NOTCH2NLA: variants seen among roughly 807,000 people sequenced by gnomAD.
NOTCH2NLA encodes notch homolog 2 N-terminal-like protein A.
chr1:146,172,610 C>T (rs587744880), intron 2 of NOTCH2NLA, among the ~76,000 whole-genome samples: 3,111 of 150,954 alleles, frequency 0.021, 34 homozygotes, highest in Non-Finnish European at 0.029. Flanking sequence ...TTCCTTTCTT[C>T]CACCCTTTTT....
At position 146,200,694 on chromosome 1, in the gene NOTCH2NLA, T is replaced by C. The variant is rs1481701292; in HGVS notation, c.-44-11313A>G. Among the ~76,000 whole-genome samples the C allele has an allele frequency of 4.6e-5, 6 of 129,080 alleles. 1 individual carries two copies. The East Asian group carries it at 5.9e-4, about 13-fold the overall frequency. The allele number at this position is 129,080 out of a possible 152,430, so 84.7% of individuals were successfully genotyped here. A position where few individuals can be genotyped will look rare whatever the true frequency, so the allele number is the denominator to read the frequency against. On this transcript the variant is annotated intron_variant, in intron 1 of 4. Coordinates refer to ENST00000362074, the Ensembl canonical transcript of NOTCH2NLA. ...GATTACTCATATTCTTTCTTTATTG[T>C]AAATGCAAGCAAGAATTTATCTTTA...
intron 3 of NOTCH2NLA, among the ~76,000 whole-genome samples, chr1:146,159,389 G>A (rs200610270): frequency 4.8e-5 from 5 of 104,718 alleles, no homozygotes; most frequent in Non-Finnish European, 8.1e-5. Context: ...AAGAGAGAAA[G>A]AGAGAGAAAG....
At chr1:146,159,400 AAAG>A (rs1284137672) in intron 3 of NOTCH2NLA, among the ~76,000 whole-genome samples, 3 of 109,902 alleles carry the variant, frequency 2.7e-5, no homozygotes, top group African/African-American at 1.1e-4. Flanking sequence ...AGAGAGAAAG[AAAG>A]AAAGAAAGAA....
At chr1:146,159,966 C>CAAAAAAAAAAAAAA (rs782308523) in intron 3 of NOTCH2NLA, among the ~76,000 whole-genome samples, 4 of 7,438 alleles carry the variant, frequency 5.4e-4, no homozygotes, top group South Asian at 0.013. Flanking sequence ...TACTCCATCT[C>CAAAAAAAAAAAAAA]AAAAAAAAAA....
chr1:146,228,170 C>T (rs1664294148), intron 1 of NOTCH2NLA, among the ~76,000 whole-genome samples: 1 of 142,448 alleles, frequency 7.0e-6, no homozygotes, highest in Admixed American at 6.8e-5. Context: ...AACCCCGTCC[C>T]CATCCAAACC....
intron 2 of NOTCH2NLA, among the ~76,000 whole-genome samples, chr1:146,180,495 T>C (rs1553809061): frequency 7.0e-6 from 1 of 142,242 alleles, no homozygotes; most frequent in East Asian, 1.9e-4. Flanking sequence ...GTCTAAGAAT[T>C]GGCAATACAT....
At chr1:146,186,394 G>A (rs1316789825) in intron 2 of NOTCH2NLA, among the ~76,000 whole-genome samples, 3 of 135,872 alleles carry the variant, frequency 2.2e-5, no homozygotes, top group African/African-American at 5.1e-5. Flanking sequence ...TCGCTCTGTC[G>A]CTCAGGCTGG....
At chr1:146,219,843 T>G (rs1286235559) in intron 1 of NOTCH2NLA, among the ~76,000 whole-genome samples, 1 of 90,902 alleles carries the variant, frequency 1.1e-5, no homozygotes, top group Non-Finnish European at 2.0e-5. Flanking sequence ...ACAGCTTTTC[T>G]AAATCTAAGG....
At chr1:146,195,022 G>C (rs1415200152) in intron 1 of NOTCH2NLA, among the ~76,000 whole-genome samples, 2 of 109,360 alleles carry the variant, frequency 1.8e-5, no homozygotes, top group Admixed American at 9.2e-5. Flanking sequence ...TCCCCTGGAG[G>C]GTTCTGGTCC....
intron 2 of NOTCH2NLA, among the ~76,000 whole-genome samples, chr1:146,173,182 A>C (rs2794087): frequency 4.7e-5 from 6 of 126,940 alleles, no homozygotes; most frequent in Non-Finnish European, 8.5e-5. Context: ...ATAAGGAGAA[A>C]ATATACTCTG....
chr1:146,182,530 T>G (rs1362529977), intron 2 of NOTCH2NLA, among the ~76,000 whole-genome samples: 31 of 116,544 alleles, frequency 2.7e-4, no homozygotes, highest in African/African-American at 8.3e-4. Flanking sequence ...GGACTCAAAC[T>G]TAAGTCTATC....
chr1:146,174,972 T>G (rs28534615), intron 2 of NOTCH2NLA, among the ~76,000 whole-genome samples: 56,281 of 104,612 alleles, frequency 0.54, 9,154 homozygotes, highest in African/African-American at 0.69. Context: ...TAAAAATAAT[T>G]GCTAACAGCC....
At chr1:146,174,452 C>T (rs201761322) in intron 2 of NOTCH2NLA, among the ~76,000 whole-genome samples, 1 of 133,452 alleles carries the variant, frequency 7.5e-6, no homozygotes, top group Non-Finnish European at 1.6e-5. Context: ...ATTCAAGAAA[C>T]AACAACAACA....
intron 1 of NOTCH2NLA, among the ~76,000 whole-genome samples, chr1:146,228,067 C>G (rs1290554629): frequency 3.0e-5 from 4 of 133,002 alleles, no homozygotes; most frequent in Non-Finnish European, 6.4e-5. Flanking sequence ...TGCCCTACTT[C>G]TCCTGCCTCC....
chr1:146,223,951 T>C (rs1553819053), intron 1 of NOTCH2NLA, among the ~76,000 whole-genome samples: 1 of 140,870 alleles, frequency 7.1e-6, no homozygotes, highest in Non-Finnish European at 1.6e-5. Flanking sequence ...ACAAGTTCTG[T>C]AGTACAGAGA....
intron 2 of NOTCH2NLA, among the ~76,000 whole-genome samples, chr1:146,180,275 G>A (rs587754708): frequency 1.2e-4 from 17 of 142,950 alleles, no homozygotes; most frequent in Non-Finnish European, 1.4e-4. Flanking sequence ...TCATATTTAC[G>A]TGAAGGCAAA....
intron 2 of NOTCH2NLA, among the ~76,000 whole-genome samples, chr1:146,175,484 CT>C (rs2102304140): frequency 7.9e-6 from 1 of 126,580 alleles, no homozygotes; most frequent in African/African-American, 2.6e-5. Flanking sequence ...AACTGGGACG[CT>C]TGTGGTAAAA....
chr1:146,171,445 T>C (rs1390963799), intron 2 of NOTCH2NLA, among the ~76,000 whole-genome samples: 1 of 134,414 alleles, frequency 7.4e-6, no homozygotes, highest in African/African-American at 2.5e-5. Context: ...AAAAAAAAAA[T>C]TCACAGCTAG....
At chr1:146,198,823 G>C in intron 1 of NOTCH2NLA, among the ~76,000 whole-genome samples, 1 of 68,836 alleles carries the variant, frequency 1.5e-5, no homozygotes. Context: ...ATGGAGTCTC[G>C]CTCTGTCACC....
Sources: allele counts gnomAD v4.1 joint callset (sites outside exome capture counted in the v4.1 genomes callset), GRCh38; gene constraint gnomAD v4.1.1; transcripts MANE v1.5; gene names NCBI Gene and HGNC (gene_info 2026-07-23, HGNC 2026-07-21).